WDPCP: variants seen among roughly 807,000 people sequenced by gnomAD.
WDPCP encodes WD repeat-containing and planar cell polarity effector protein fritz homolog.
WDPCP carries 71 observed loss-of-function variants against 93.1 expected under a neutral mutation model. That is an observed-to-expected ratio of 0.76 (90% confidence interval 0.63 to 0.93). The LOEUF (loss-of-function observed/expected upper bound fraction) is 0.93. WDPCP is among the 40% of genes least tolerant of loss of function. The pLI, the probability that WDPCP is intolerant of heterozygous loss-of-function variation, is 0.00. For synonymous variants in WDPCP, 315 were observed against 315.0 expected, an observed-to-expected ratio of 1.00 and a Z score of 0.00; for missense variants, 844 against 887.4, an observed-to-expected ratio of 0.95 and a Z score of 0.62.
At chr2:63,683,712 G>A (rs980144883) in intron 2 of WDPCP, among the ~76,000 whole-genome samples, 2 of 152,038 alleles carry the variant, frequency 1.3e-5, no homozygotes, top group African/African-American at 2.4e-5. Flanking sequence ...AGCTGGGCAC[G>A]GTGGCATGCG....
chr2:63,578,901 T>C (rs996775492), intron 1 of WDPCP, among the ~76,000 whole-genome samples: 2 of 152,140 alleles, frequency 1.3e-5, no homozygotes, highest in Non-Finnish European at 2.9e-5. Flanking sequence ...TATTTGTTCC[T>C]ATTTAGGAGA....
intron 1 of WDPCP, among the ~76,000 whole-genome samples, chr2:63,533,880 A>G (rs1704054472): frequency 1.7e-5 from 1 of 59,992 alleles, no homozygotes; most frequent in South Asian, 6.3e-4. Flanking sequence ...TGAAGGAGAT[A>G]GAGACACAAA....
intron 14 of WDPCP, among the ~76,000 whole-genome samples, chr2:63,185,338 T>C (rs528589750): frequency 2.0e-5 from 3 of 152,292 alleles, no homozygotes; most frequent in African/African-American, 7.2e-5. Flanking sequence ...TTTTTCTCAT[T>C]TGGAGAAATA....
At chr2:63,190,432 CAAA>C (rs57419276) in intron 14 of WDPCP, among the ~76,000 whole-genome samples, 13 of 92,272 alleles carry the variant, frequency 1.4e-4, no homozygotes, top group East Asian at 2.7e-4. Context: ...GACCTTGTCT[CAAA>C]AAAAAAAAAA....
chr2:63,468,699 T>C (rs949924853), intron 6 of WDPCP, among the ~76,000 whole-genome samples: 4 of 152,082 alleles, frequency 2.6e-5, no homozygotes, highest in African/African-American at 9.7e-5. Flanking sequence ...CTACGTTCTA[T>C]TCCCTCCCCC....
intron 2 of WDPCP, among the ~76,000 whole-genome samples, chr2:63,758,223 C>T (rs1428071879): frequency 6.6e-6 from 1 of 151,758 alleles, no homozygotes; most frequent in African/African-American, 2.4e-5. Flanking sequence ...GGAAAGAGTT[C>T]TCATAAAGAA....
At chr2:63,270,420 A>T (rs957332207) in intron 13 of WDPCP, among the ~76,000 whole-genome samples, 9 of 150,168 alleles carry the variant, frequency 6.0e-5, no homozygotes, top group East Asian at 3.9e-4. Context: ...GGACTATTTA[A>T]TTTTTTTTTA....
intron 9 of WDPCP, 138 bp downstream of exon 9, chr2:63,433,607 C>T (rs972614175): frequency 5.2e-6 from 5 of 954,386 alleles, no homozygotes; most frequent in Non-Finnish European, 7.5e-6. Flanking sequence ...TGGGTATCTT[C>T]TAGATATGAT....
At chr2:63,279,068 G>C (rs1352478578) in intron 13 of WDPCP, among the ~76,000 whole-genome samples, 1 of 152,144 alleles carries the variant, frequency 6.6e-6, no homozygotes, top group Non-Finnish European at 1.5e-5. Flanking sequence ...CAAAGAATTG[G>C]TACCAATCCT....
At chr2:63,651,697 T>C (rs1236820090) in intron 2 of WDPCP, among the ~76,000 whole-genome samples, 1 of 152,158 alleles carries the variant, frequency 6.6e-6, no homozygotes, top group African/African-American at 2.4e-5. Flanking sequence ...GGGTAATCAT[T>C]ACTTAAAGTC....
rs568462095 is a variant in WDPCP at position 63,706,126 on chromosome 2, A to C, written n.309-55288T>G. ...CCAAGACTAGGATTGCAACCCCTGC[A>C]TTTTTTTGTTTTCCATTTGCTTGGT... On this transcript the variant is annotated intron_variant and non_coding_transcript_variant, in intron 2 of 4. Coordinates refer to the WDPCP transcript ENST00000467687. 3.3e-5 allele frequency among the ~76,000 whole-genome samples: 5 copies of C among 151,990 alleles called. No homozygotes were observed. In the South Asian group the frequency reaches 1.0e-3, roughly 32 times the overall value.
At chr2:63,292,132 C>CAAAAAAAAAAAA (rs58370764) in intron 13 of WDPCP, among the ~76,000 whole-genome samples, 8 of 83,348 alleles carry the variant, frequency 9.6e-5, no homozygotes, top group Non-Finnish European at 1.6e-4. Flanking sequence ...GACTCCGGCT[C>CAAAAAAAAAAAA]AAAAAAAAAA....
At chr2:63,153,897 T>C (rs547875567) in intron 15 of WDPCP, among the ~76,000 whole-genome samples, 3 of 151,950 alleles carry the variant, frequency 2.0e-5, no homozygotes, top group Non-Finnish European at 4.4e-5. Flanking sequence ...GGAAACCAAA[T>C]GTGATGCTCT....
chr2:63,803,039 C>T (rs868769438), intron 2 of WDPCP, among the ~76,000 whole-genome samples: 7 of 152,142 alleles, frequency 4.6e-5, no homozygotes, highest in Middle Eastern at 3.4e-3. Flanking sequence ...TTTCACAGGC[C>T]CAAACAAGCT....
chr2:63,459,839 C>G (rs1200685561), intron 6 of WDPCP, among the ~76,000 whole-genome samples: 1 of 151,292 alleles, frequency 6.6e-6, no homozygotes, highest in African/African-American at 2.4e-5. Context: ...ATGGCTTGAA[C>G]TTGGGAGGGG....
chr2:63,413,633 T>C (rs1038761105), intron 9 of WDPCP, among the ~76,000 whole-genome samples: 7 of 151,894 alleles, frequency 4.6e-5, no homozygotes, highest in Admixed American at 2.6e-4. Context: ...CCATCTCTAC[T>C]AAAAATACAA....
intron 2 of WDPCP, among the ~76,000 whole-genome samples, chr2:63,670,854 T>A (rs1710336987): frequency 6.6e-6 from 1 of 151,878 alleles, no homozygotes; most frequent in African/African-American, 2.4e-5. Context: ...GGAGCACATC[T>A]AAGGCACAAG....
At chr2:63,177,774 G>A (rs1171078151) in intron 14 of WDPCP, among the ~76,000 whole-genome samples, 1 of 152,070 alleles carries the variant, frequency 6.6e-6, no homozygotes, top group Non-Finnish European at 1.5e-5. Context: ...AGGGGTGAAA[G>A]CAGGCATCTT....
chr2:63,774,759 T>G (rs188864663), intron 2 of WDPCP, among the ~76,000 whole-genome samples: 1 of 152,148 alleles, frequency 6.6e-6, no homozygotes, highest in Non-Finnish European at 1.5e-5. Context: ...CAAGTCATTC[T>G]TGAATCCCCA....
Sources: gnomAD v4.1 joint callset for allele counts (sites outside exome capture counted in the v4.1 genomes callset) on GRCh38, gnomAD v4.1.1 for gene constraint, MANE v1.5 for transcripts, NCBI Gene and HGNC (gene_info 2026-07-23, HGNC 2026-07-21) for gene names.